TNR: variants seen among roughly 807,000 people sequenced by gnomAD.
The protein encoded by TNR is tenascin R, also known as tenascin-R.
Under a neutral mutation model 150.4 loss-of-function variants are expected in TNR, and 45 were observed. The ratio of observed to expected loss-of-function variants is 0.30; its 90% CI spans 0.24 to 0.38. The LOEUF (loss-of-function observed/expected upper bound fraction) is 0.38, where lower values mean the gene tolerates loss of function less well. TNR is among the 10% of genes least tolerant of loss of function. The pLI, the probability that TNR is intolerant of heterozygous loss-of-function variation, is 1.00. For synonymous variants in TNR, 687 were observed against 678.4 expected (o/e 1.01, Z -0.20); for missense variants, 1,544 against 1,759.1 (o/e 0.88, Z 2.19).
In TNR at chr1:175,625,626, T is replaced by C. The variant is rs79602395; in HGVS notation, c.-164-97257A>G. On this transcript the variant is annotated intron_variant, in intron 1 of 22. Transcript: ENST00000367674. ...ATGGGATTCACCACCCTGTTCTCAA[T>C]AGAGAATGTTTCTGCTGCTGTTAAA... 1.1e-3 allele frequency among the ~76,000 whole-genome samples: 165 copies of C among 152,304 alleles called. No homozygotes were observed. The East Asian group carries it at 0.025, about 23-fold the overall frequency.
chr1:175,331,078 C>CCTTCTCT (rs1649823861), intron 20 of TNR, among the ~76,000 whole-genome samples: 1 of 59,916 alleles, frequency 1.7e-5, no homozygotes, highest in African/African-American at 6.3e-5. Context: ...TCTTTCTTTC[C>CCTTCTCT]TTCTTTCTTT....
chr1:175,726,209 A>G (rs1571794576), intron 1 of TNR, among the ~76,000 whole-genome samples: 1 of 152,340 alleles, frequency 6.6e-6, no homozygotes, highest in East Asian at 1.9e-4. Flanking sequence ...TAAGTAATAA[A>G]AGGCCATACC....
At chr1:175,394,325 C>T (rs1200711371) in intron 5 of TNR, among the ~76,000 whole-genome samples, 1 of 152,162 alleles carries the variant, frequency 6.6e-6, no homozygotes, top group Non-Finnish European at 1.5e-5. Flanking sequence ...TCAGTGTTCT[C>T]ATTTTGCACA....
intron 1 of TNR, among the ~76,000 whole-genome samples, chr1:175,534,241 C>T (rs1212579806): frequency 1.3e-5 from 2 of 152,210 alleles, no homozygotes; most frequent in African/African-American, 4.8e-5. Context: ...AAGCTGGGGC[C>T]TGCCTCCCTT....
At chr1:175,518,747 T>C (rs550235231) in intron 2 of TNR, among the ~76,000 whole-genome samples, 1 of 152,274 alleles carries the variant, frequency 6.6e-6, no homozygotes, top group South Asian at 2.1e-4. Flanking sequence ...ATCTTTCACA[T>C]AGCCACCATT....
At chr1:175,360,458 C>G (rs1651538703) in intron 14 of TNR, among the ~76,000 whole-genome samples, 1 of 152,198 alleles carries the variant, frequency 6.6e-6, no homozygotes, top group South Asian at 2.1e-4. Flanking sequence ...TTGTGCTTGT[C>G]ATAGGATCAT....
Position 175,356,360 on chromosome 1 carries a change from C to T in TNR, c.3077G>A (p.Gly1026Glu), listed in dbSNP as rs766368531. Residue 1026 changes from glycine (G) to glutamate (E), a missense_variant, in exon 16 of 23, where the codon GGA becomes GAA. Physicochemically the swap from Gly to Glu is moderately conservative, Grantham distance 98. Coordinates refer to ENST00000367674, the MANE Select transcript of TNR (RefSeq NM_003285.3). ...HYTATMYATN[G>E]PLTSGTISTN... ...GCTGATGGTGCCACTGGTGAGAGGTCCATTGGTGGCATACATGGTGGCAGT... is the reference window on the plus strand; with the variant it reads ...GCTGATGGTGCCACTGGTGAGAGGTTCATTGGTGGCATACATGGTGGCAGT... 1 of 1,613,936 alleles carries T rather than the reference C, an allele frequency of 6.2e-7. No individual in the cohort carries two copies. The highest frequency in any genetic ancestry group is 2.2e-5 in the East Asian group (1 of 44,864).
intron 1 of TNR, among the ~76,000 whole-genome samples, chr1:175,532,759 G>A (rs943107676): frequency 2.6e-5 from 4 of 152,204 alleles, no homozygotes; most frequent in African/African-American, 9.7e-5. Context: ...CTGCTTCCAA[G>A]ATGGCTCGTT....
At chr1:175,505,276 G>T (rs1319833504) in intron 2 of TNR, among the ~76,000 whole-genome samples, 1 of 152,220 alleles carries the variant, frequency 6.6e-6, no homozygotes, top group Admixed American at 6.5e-5. Context: ...CTCCCCTGCA[G>T]AACTCTTTCC....
intron 2 of TNR, among the ~76,000 whole-genome samples, chr1:175,453,188 G>C (rs1181820278): frequency 6.6e-6 from 1 of 152,152 alleles, no homozygotes; most frequent in Non-Finnish European, 1.5e-5. Context: ...AATCTAGAGA[G>C]ACAAAGGAAA....
intron 2 of TNR, among the ~76,000 whole-genome samples, chr1:175,436,846 A>G (rs2102076157): frequency 6.6e-6 from 1 of 152,312 alleles, no homozygotes; most frequent in South Asian, 2.1e-4. Context: ...CTAAATATAT[A>G]TGCACCCAAT....
At chr1:175,713,014 G>A (rs1194738983) in intron 1 of TNR, among the ~76,000 whole-genome samples, 1 of 152,124 alleles carries the variant, frequency 6.6e-6, no homozygotes, top group East Asian at 1.9e-4. Flanking sequence ...GTTGAGATGG[G>A]GAGCACAGGA....
At chr1:175,349,577 A>T (rs1650958540) in intron 18 of TNR, among the ~76,000 whole-genome samples, 1 of 152,230 alleles carries the variant, frequency 6.6e-6, no homozygotes, top group Non-Finnish European at 1.5e-5. Flanking sequence ...TCAAAAATAC[A>T]TACAAACAAA....
intron 1 of TNR, among the ~76,000 whole-genome samples, chr1:175,682,247 A>G (rs1666055962): frequency 6.6e-6 from 1 of 151,896 alleles, no homozygotes; most frequent in Non-Finnish European, 1.5e-5. Context: ...GTGGTCATGG[A>G]TATTATAATC....
At chr1:175,440,923 G>T (rs952971684) in intron 2 of TNR, among the ~76,000 whole-genome samples, 1 of 152,152 alleles carries the variant, frequency 6.6e-6, no homozygotes, top group African/African-American at 2.4e-5. Flanking sequence ...GCAAATGAAG[G>T]GGGCTGGTTT....
At chr1:175,370,505 T>G (rs1652054834) in intron 9 of TNR, among the ~76,000 whole-genome samples, 1 of 151,870 alleles carries the variant, frequency 6.6e-6, no homozygotes, top group Non-Finnish European at 1.5e-5. Context: ...ATTCAGGGAG[T>G]CCAGGTGGCA....
chr1:175,422,331 G>T (rs1218770212), intron 2 of TNR, among the ~76,000 whole-genome samples: 1 of 152,190 alleles, frequency 6.6e-6, no homozygotes, highest in Non-Finnish European at 1.5e-5. Flanking sequence ...TTTTATCGCA[G>T]CATTCAGCAT....
In TNR at chr1:175,354,424, A is replaced by G. The variant is rs749980254; in HGVS notation, c.3349T>C (p.Trp1117Arg). The G allele has an allele frequency of 1.2e-6, 2 of 1,614,086 alleles. No individual in the cohort carries two copies. The highest frequency in any genetic ancestry group is 1.7e-6 in the Non-Finnish European group (2 of 1,179,962). ...VLLQAAQDTT[W>R]SSITSTAFTT... is the part of the protein sequence containing the mutation. The stretch of plus-strand genomic sequence containing the variant: ...AAAGCGGTGGAGGTGATGCTGCTCC[A>G]CGTGGTGTCCTGTGCTGCCTGCAGG... The change falls in exon 18 of 23, where the codon TGG becomes CGG. Residue 1117 changes from tryptophan to arginine, a missense_variant. Transcript: ENST00000367674.
chr1:175,449,614 G>A (rs1199682540), intron 2 of TNR, among the ~76,000 whole-genome samples: 3 of 152,124 alleles, frequency 2.0e-5, no homozygotes, highest in African/African-American at 4.8e-5. Context: ...TAAAGATTAA[G>A]GTAAAGGGAG....
Sources: allele counts gnomAD v4.1 joint callset (sites outside exome capture counted in the v4.1 genomes callset), GRCh38; gene constraint gnomAD v4.1.1; transcripts MANE v1.5; gene names NCBI Gene and HGNC (gene_info 2026-07-23, HGNC 2026-07-21).